Variants in SYNE1 observed in about 807,000 individuals in gnomAD.
SYNE1 encodes the protein spectrin repeat containing nuclear envelope protein 1, also known as nesprin-1.
SYNE1 carries 616 observed loss-of-function variants against 1,111.0 expected under a neutral mutation model. The observed-to-expected ratio is 0.55, with a 90% CI of 0.52 to 0.59. The LOEUF is 0.59. Ranked by LOEUF, SYNE1 falls within the 20% of genes least tolerant of loss-of-function variation. The probability of loss-of-function intolerance (pLI) is 0.00; values close to 1 mark genes in which losing one functional copy is unlikely to be tolerated. For missense variants in SYNE1, 10,006 were observed against 10,417.0 expected, an observed-to-expected ratio of 0.96 and a Z score of 1.72; for synonymous variants, 3,855 against 3,825.8, an observed-to-expected ratio of 1.01 and a Z score of -0.28.
chr6:152,521,858 T>C (rs187717904), intron 5 of SYNE1, among the ~76,000 whole-genome samples: 18 of 152,166 alleles, frequency 1.2e-4, no homozygotes, highest in Admixed American at 1.3e-4. Context: ...AATTTTAATA[T>C]ATTAAATATA....
intron 129 of SYNE1, among the ~76,000 whole-genome samples, chr6:152,178,831 G>A (rs957758732): frequency 6.6e-6 from 1 of 151,598 alleles, no homozygotes; most frequent in African/African-American, 2.4e-5. Context: ...ATGTACTAAT[G>A]AGAAGCACAA....
chr6:152,216,148 T>A (rs897218347), intron 121 of SYNE1, among the ~76,000 whole-genome samples: 4 of 152,216 alleles, frequency 2.6e-5, no homozygotes, highest in Non-Finnish European at 4.4e-5. Flanking sequence ...TGCAAAAGAC[T>A]CATGTTTTTT....
intron 14 of SYNE1, among the ~76,000 whole-genome samples, chr6:152,482,190 TC>T (rs2098908301): frequency 6.6e-6 from 1 of 152,092 alleles, no homozygotes; most frequent in African/African-American, 2.4e-5. Flanking sequence ...TGGCATCACA[TC>T]TCTGTGTCTC....
At chr6:152,371,935 CAGGAAAGGAAAGGAA>C (rs202166129) in intron 59 of SYNE1, among the ~76,000 whole-genome samples, 1 of 62,836 alleles carries the variant, frequency 1.6e-5, no homozygotes, top group Non-Finnish European at 3.4e-5. Context: ...CAGGACAGGA[CAGGAAAGGAAAGGAA>C]AGGAAAGGAA....
chr6:152,623,072 A>G (rs544130499), intron 3 of SYNE1, among the ~76,000 whole-genome samples: 1 of 152,232 alleles, frequency 6.6e-6, no homozygotes, highest in African/African-American at 2.4e-5. Context: ...ACAAAGCTGG[A>G]GGCATCATGC....
intron 16 of SYNE1, among the ~76,000 whole-genome samples, chr6:152,466,846 G>C (rs1419114349): frequency 6.6e-6 from 1 of 151,964 alleles, no homozygotes; most frequent in Non-Finnish European, 1.5e-5. Context: ...TATCACCAAA[G>C]GCTCTTTAAT....
intron 145 of SYNE1, chr6:152,128,004 T>C (rs1182602897): frequency 6.6e-6 from 1 of 152,216 alleles, no homozygotes; most frequent in East Asian, 1.9e-4. Flanking sequence ...TTTTGCATTT[T>C]ACAATTCTAA....
chr6:152,591,026 T>A (rs1278640777), intron 3 of SYNE1, among the ~76,000 whole-genome samples: 1 of 152,228 alleles, frequency 6.6e-6, no homozygotes, highest in Non-Finnish European at 1.5e-5. Context: ...GAGTATGAAA[T>A]GTTTTTCCAT....
chr6:152,492,573 T>C (rs1409417249), intron 11 of SYNE1, among the ~76,000 whole-genome samples: 1 of 152,168 alleles, frequency 6.6e-6, no homozygotes, highest in Non-Finnish European at 1.5e-5. Flanking sequence ...AGGAACCCAC[T>C]GGAAATAGGA....
At chr6:152,132,858 G>T (rs958002459) in intron 143 of SYNE1, among the ~76,000 whole-genome samples, 3 of 143,928 alleles carry the variant, frequency 2.1e-5, no homozygotes, top group Non-Finnish European at 4.5e-5. Context: ...TAAATGAGCA[G>T]AGGACTGTTT....
intron 14 of SYNE1, 69 bp downstream of exon 14, chr6:152,483,016 T>C (rs1198861188): frequency 3.2e-6 from 5 of 1,581,472 alleles, no homozygotes; most frequent in African/African-American, 1.3e-5. Flanking sequence ...GAGCAGGTTG[T>C]AACTAGGCTA....
chr6:152,431,134 G>A (rs1338822574), intron 34 of SYNE1, among the ~76,000 whole-genome samples: 1 of 152,168 alleles, frequency 6.6e-6, no homozygotes, highest in Non-Finnish European at 1.5e-5. Flanking sequence ...CTAAAATTCA[G>A]TTGAGTATTT....
Position 152,447,521 on chromosome 6 carries a change from C to CT in SYNE1, c.3605dup (p.Gln1203AlafsTer4). On this transcript the variant is annotated frameshift_variant, in exon 29 of 146. Coordinates refer to ENST00000367255, the MANE Select transcript of SYNE1 (RefSeq NM_182961.4). LOFTEE classifies it high-confidence loss of function. Reference sequence around the variant, plus strand: ...ATAATTTTGCCAGCTCATCTCCCTGCTTTTGGGCTTCATTCTCAGAAGAAA... The same window carrying CT: ...ATAATTTTGCCAGCTCATCTCCCTGCTTTTTGGGCTTCATTCTCAGAAGAAA... 6.2e-7 allele frequency: 1 copy of CT among 1,614,212 alleles called. No individual in the cohort carries two copies. Among genetic ancestry groups the CT allele is most frequent in the Non-Finnish European group, 8.5e-7 (1 of 1,180,040 alleles).
chr6:152,231,760 A>C (rs1026253272), intron 113 of SYNE1, among the ~76,000 whole-genome samples, 193 bp from the exon 114 acceptor site: 1 of 144,492 alleles, frequency 6.9e-6, no homozygotes, highest in Non-Finnish European at 1.5e-5. Context: ...GTTTATATGA[A>C]CATAAACACA....
chr6:152,284,059 G>A lies in SYNE1; in HGVS notation c.18126C>T (p.Ala6042=), dbSNP rs1364605006. 1.2e-6 allele frequency: 2 copies of A among 1,614,210 alleles called. No homozygotes were observed. Among genetic ancestry groups the A allele is most frequent in the Non-Finnish European group, 1.7e-6 (2 of 1,180,036 alleles). The stretch of plus-strand genomic sequence containing the variant: ...CTAAGACAGTGAGCGTGGACTGCAA[G>A]GCCAGCTGCTCCGCAGGGTCGGCCT... ...SCEADPAEQL[A]LQSTLTVLAE... The change falls in exon 96 of 146, where the codon GCC becomes GCT. Residue 6042 remains alanine (A), a synonymous_variant. Transcript: ENST00000367255.
intron 3 of SYNE1, among the ~76,000 whole-genome samples, chr6:152,578,934 A>G (rs2099510358): frequency 1.3e-5 from 2 of 152,202 alleles, no homozygotes; most frequent in Non-Finnish European, 2.9e-5. Flanking sequence ...ATGTTAAGTT[A>G]ATATTCTAAT....
At chr6:152,559,875 C>T (rs1292913756) in intron 3 of SYNE1, among the ~76,000 whole-genome samples, 1 of 151,940 alleles carries the variant, frequency 6.6e-6, no homozygotes, top group Non-Finnish European at 1.5e-5. Flanking sequence ...CAATTACAAA[C>T]TTTTAGCTAG....
intron 104 of SYNE1, among the ~76,000 whole-genome samples, chr6:152,251,541 G>A (rs1006080083): frequency 5.3e-5 from 8 of 151,610 alleles, no homozygotes; most frequent in Admixed American, 2.6e-4. Context: ...GGCGGATCAC[G>A]AGGTCAGGAG....
At chr6:152,603,859 A>G (rs1004960652) in intron 3 of SYNE1, among the ~76,000 whole-genome samples, 37 of 126,756 alleles carry the variant, frequency 2.9e-4, no homozygotes, top group African/African-American at 9.8e-4. Flanking sequence ...ATATGTATAT[A>G]TAGATAGATA....
Sources: gnomAD v4.1 joint callset for allele counts (sites outside exome capture counted in the v4.1 genomes callset) on GRCh38, gnomAD v4.1.1 for gene constraint, MANE v1.5 for transcripts, NCBI Gene and HGNC (gene_info 2026-07-23, HGNC 2026-07-21) for gene names.